The following ITGA9 variants were observed in gnomAD, a reference collection of about 807,000 sequenced individuals.
The protein encoded by ITGA9 is integrin alpha-9.
ITGA9 carries 56 observed loss-of-function variants against 127.8 expected under a neutral mutation model. The observed-to-expected ratio is 0.44, with a 90% CI of 0.35 to 0.55. The LOEUF (loss-of-function observed/expected upper bound fraction) is 0.55, where lower values mean the gene tolerates loss of function less well. Among genes scored for constraint, ITGA9 ranks in the 20% least tolerant of loss-of-function variants. The pLI, the probability that ITGA9 is intolerant of heterozygous loss-of-function variation, is 0.00. For missense variants in ITGA9, 1,196 were observed against 1,347.1 expected (o/e 0.89, Z 1.76); for synonymous variants, 508 against 514.5 (o/e 0.99, Z 0.17).
chr3:37,736,872 C>A (rs1696368544), intron 19 of ITGA9, 32 bp from the exon 20 acceptor site: 5 of 1,447,988 alleles, frequency 3.5e-6, no homozygotes, highest in Non-Finnish European at 4.9e-6. Context: ...GGAATGCCTG[C>A]TGATGCCAAA....
At chr3:37,753,434 G>T (rs1180669115) in intron 23 of ITGA9, among the ~76,000 whole-genome samples, 1 of 152,222 alleles carries the variant, frequency 6.6e-6, no homozygotes, top group Non-Finnish European at 1.5e-5. Context: ...ACCTCTTCAA[G>T]TCAGGGCTTA....
At chr3:37,630,750 C>T (rs999598447) in intron 16 of ITGA9, among the ~76,000 whole-genome samples, 2 of 152,196 alleles carry the variant, frequency 1.3e-5, no homozygotes, top group South Asian at 2.1e-4. Flanking sequence ...ATTTAAAACA[C>T]GAACCTTCTT....
chr3:37,684,579 G>C (rs569596861), intron 18 of ITGA9, among the ~76,000 whole-genome samples: 95 of 152,276 alleles, frequency 6.2e-4, no homozygotes, highest in African/African-American at 2.2e-3. Flanking sequence ...GAGTTCAAGT[G>C]ATCCTCCCAC....
At chr3:37,626,377 A>G (rs1032168941) in intron 15 of ITGA9, among the ~76,000 whole-genome samples, 1 of 152,128 alleles carries the variant, frequency 6.6e-6, no homozygotes. Context: ...ACGGGGGGCA[A>G]TGGCTGGTGC....
intron 18 of ITGA9, among the ~76,000 whole-genome samples, chr3:37,699,049 T>G (rs1007922817): frequency 6.6e-6 from 1 of 152,230 alleles, no homozygotes; most frequent in African/African-American, 2.4e-5. Context: ...ACCCCAATTC[T>G]TCTCACTCGC....
At chr3:37,729,026 G>A (rs1696252071) in intron 18 of ITGA9, among the ~76,000 whole-genome samples, 1 of 151,878 alleles carries the variant, frequency 6.6e-6, no homozygotes, top group South Asian at 2.1e-4. Flanking sequence ...CAGAGGCTAC[G>A]GAATGCTTTT....
intron 20 of ITGA9, 31 bp downstream of exon 20, chr3:37,737,014 AG>A (rs1696371807): frequency 7.3e-7 from 1 of 1,374,750 alleles, no homozygotes; most frequent in African/African-American, 1.5e-5. Flanking sequence ...CTTTTTTCAA[AG>A]ATGAGAGATT....
chr3:37,789,532 G>A (rs556541275), intron 26 of ITGA9, among the ~76,000 whole-genome samples: 1 of 151,964 alleles, frequency 6.6e-6, no homozygotes, highest in East Asian at 1.9e-4. Context: ...GGCCAAGGCG[G>A]GTGGACCACA....
At chr3:37,733,854 G>A (rs1696326905) in intron 19 of ITGA9, among the ~76,000 whole-genome samples, 1 of 152,080 alleles carries the variant, frequency 6.6e-6, no homozygotes, top group South Asian at 2.1e-4. Flanking sequence ...TCACTGTTAG[G>A]GTCAATGTTG....
intron 24 of ITGA9, among the ~76,000 whole-genome samples, chr3:37,778,187 T>C (rs557264732): frequency 6.6e-6 from 1 of 152,288 alleles, no homozygotes; most frequent in African/African-American, 2.4e-5. Context: ...AAACTAATCA[T>C]GATGATAGAG....
At chr3:37,514,702 T>G (rs1698966696) in intron 9 of ITGA9, among the ~76,000 whole-genome samples, 1 of 152,200 alleles carries the variant, frequency 6.6e-6, no homozygotes. Flanking sequence ...CCCCAGTAAC[T>G]GGGATTACAG....
At chr3:37,539,099 TC>T (rs1434142542) in intron 14 of ITGA9, among the ~76,000 whole-genome samples, 1 of 152,234 alleles carries the variant, frequency 6.6e-6, no homozygotes, top group Non-Finnish European at 1.5e-5. Context: ...TTGCAAGAGA[TC>T]AGTACTTCCG....
chr3:37,758,509 GATA>G (rs933493869), intron 23 of ITGA9, among the ~76,000 whole-genome samples: 1 of 150,890 alleles, frequency 6.6e-6, no homozygotes, highest in Non-Finnish European at 1.5e-5. Flanking sequence ...ATAACCAAAT[GATA>G]ATCTTGATAA....
chr3:37,801,341 G>A (rs1697233007), intron 26 of ITGA9, among the ~76,000 whole-genome samples: 1 of 152,138 alleles, frequency 6.6e-6, no homozygotes, highest in Non-Finnish European at 1.5e-5. Context: ...TAGGGAGCCG[G>A]TCACCTTCTG....
At chr3:37,754,266 G>T (rs1696624330) in intron 23 of ITGA9, among the ~76,000 whole-genome samples, 1 of 152,204 alleles carries the variant, frequency 6.6e-6, no homozygotes, top group African/African-American at 2.4e-5. Context: ...CTTTATCTCA[G>T]ACTGCAAGCT....
intron 15 of ITGA9, among the ~76,000 whole-genome samples, chr3:37,618,612 A>T (rs576778654): frequency 6.6e-6 from 1 of 152,338 alleles, no homozygotes; most frequent in Admixed American, 6.5e-5. Flanking sequence ...GGCTCCACTC[A>T]GTTCGAGCTT....
chr3:37,543,397 T>G (rs895784847), intron 15 of ITGA9, among the ~76,000 whole-genome samples: 1 of 152,202 alleles, frequency 6.6e-6, no homozygotes, highest in Non-Finnish European at 1.5e-5. Context: ...GACACATAAT[T>G]GTGACCTCTC....
At chr3:37,594,699 A>G (rs964197722) in intron 15 of ITGA9, among the ~76,000 whole-genome samples, 1 of 152,210 alleles carries the variant, frequency 6.6e-6, no homozygotes, top group Admixed American at 6.5e-5. Context: ...TGAGGACTAA[A>G]TGAGTAAACA....
At chr3:37,455,806 T>A (rs1698249597) in intron 1 of ITGA9, among the ~76,000 whole-genome samples, 1 of 152,042 alleles carries the variant, frequency 6.6e-6, no homozygotes, top group South Asian at 2.1e-4. Context: ...CTGGAAGTGG[T>A]AGGGGGAGAG....
Sources: gnomAD v4.1 joint callset for allele counts (sites outside exome capture counted in the v4.1 genomes callset) on GRCh38, gnomAD v4.1.1 for gene constraint, MANE v1.5 for transcripts, NCBI Gene and HGNC (gene_info 2026-07-23, HGNC 2026-07-21) for gene names.